Variants in NEGR1 observed in about 807,000 individuals in gnomAD.
The protein encoded by NEGR1 is neuronal growth regulator 1, also known as IgLON family member 4.
In NEGR1, 10 loss-of-function variants were observed where a neutral mutation model predicts 40.9. The ratio of observed to expected loss-of-function variants is 0.24; its 90% confidence interval spans 0.15 to 0.42. NEGR1 has a LOEUF of 0.42. Among genes scored for constraint, NEGR1 ranks in the 10% least tolerant of loss-of-function variants. The pLI is 1.00. For missense variants in NEGR1, 352 were observed against 438.9 expected (o/e 0.80, Z 1.77); for synonymous variants, 185 against 166.8 (o/e 1.11, Z -0.84).
Position 72,085,968 on chromosome 1 carries a change from CAAAAA to C in NEGR1, c.177-150662_177-150658del, listed in dbSNP as rs36028456. On this transcript the variant is annotated intron_variant, in intron 1 of 6. Coordinates refer to ENST00000357731, the MANE Select transcript of NEGR1 (RefSeq NM_173808.3). ...CTGGCGACAGAGTGAGACTCTGTCT[CAAAAA>C]AAAAAAAAAAAAAAAAAGAGTGATT... Among the ~76,000 whole-genome samples the C allele has an allele frequency of 7.0e-3, 439 of 63,052 alleles. 2 individuals are homozygous for C. The highest frequency in any genetic ancestry group is 0.023 in the African/African-American group (410 of 17,768). The allele number at this position is 63,052 out of a possible 152,430, so 41.4% of individuals were successfully genotyped here.
chr1:71,729,433 T>C (rs1173399390), intron 3 of NEGR1, among the ~76,000 whole-genome samples: 1 of 152,188 alleles, frequency 6.6e-6, no homozygotes, highest in East Asian at 1.9e-4. Flanking sequence ...AATATTTATC[T>C]TCTGTCTTCT....
At chr1:71,917,517 G>A (rs753742214) in intron 2 of NEGR1, among the ~76,000 whole-genome samples, 2 of 152,074 alleles carry the variant, frequency 1.3e-5, no homozygotes, top group Non-Finnish European at 2.9e-5. Context: ...TCGGACGGGT[G>A]CGGTGGCTCA....
chr1:71,544,497 A>G (rs1209913813), intron 6 of NEGR1, among the ~76,000 whole-genome samples: 1 of 151,740 alleles, frequency 6.6e-6, no homozygotes, highest in Non-Finnish European at 1.5e-5. Flanking sequence ...AACCTAAAAA[A>G]CAGGGAAAAT....
At chr1:72,192,332 G>T (rs1652847868) in intron 1 of NEGR1, among the ~76,000 whole-genome samples, 1 of 151,672 alleles carries the variant, frequency 6.6e-6, no homozygotes, top group Admixed American at 6.6e-5. Flanking sequence ...AATCCCACTG[G>T]CTATGGCAAA....
chr1:72,055,513 G>A (rs1367432678), intron 1 of NEGR1, among the ~76,000 whole-genome samples: 1 of 151,082 alleles, frequency 6.6e-6, no homozygotes, highest in South Asian at 2.1e-4. Flanking sequence ...TCATTAACAA[G>A]ATAATGGGAA....
chr1:71,944,762 T>C (rs972643740), intron 1 of NEGR1, among the ~76,000 whole-genome samples: 3 of 152,178 alleles, frequency 2.0e-5, no homozygotes, highest in Admixed American at 2.0e-4. Flanking sequence ...ATTTTTCTTA[T>C]TGCAATTTTT....
At chr1:71,476,190 G>A (rs1470135276) in intron 6 of NEGR1, among the ~76,000 whole-genome samples, 1 of 151,984 alleles carries the variant, frequency 6.6e-6, no homozygotes, top group Non-Finnish European at 1.5e-5. Context: ...GAAAATATGA[G>A]TTATCTGATC....
At chr1:71,709,743 A>G (rs537732772) in intron 3 of NEGR1, among the ~76,000 whole-genome samples, 1 of 152,362 alleles carries the variant, frequency 6.6e-6, no homozygotes, top group African/African-American at 2.4e-5. Flanking sequence ...CTTAAATTTA[A>G]GCCCTCAAAC....
chr1:71,840,136 A>C (rs1659187103), intron 2 of NEGR1, among the ~76,000 whole-genome samples: 1 of 152,164 alleles, frequency 6.6e-6, no homozygotes, highest in African/African-American at 2.4e-5. Flanking sequence ...ACAGGACTAT[A>C]GAAGTGGGAT....
At chr1:71,881,722 T>C (rs114286171) in intron 2 of NEGR1, among the ~76,000 whole-genome samples, 409 of 152,198 alleles carry the variant, frequency 2.7e-3, no homozygotes, top group African/African-American at 8.8e-3. Context: ...CACATGACTT[T>C]CCCCTATTGT....
rs1038729803 is a variant in NEGR1, at chr1:71,494,532, C to T, written c.941-86962G>A. Reference sequence around the variant, plus strand: ...GAGTTTTTGTATTCCCCTGTAATAACCCATGACTATAATAGTTTTCAATGA... The same window carrying T: ...GAGTTTTTGTATTCCCCTGTAATAATCCATGACTATAATAGTTTTCAATGA... On this transcript the variant is annotated intron_variant, in intron 6 of 6. Transcript: ENST00000357731. Among the ~76,000 whole-genome samples the T allele has an allele frequency of 2.0e-5, 3 of 152,148 alleles. No individual in the cohort carries two copies. In the South Asian group the frequency reaches 6.2e-4, roughly 32 times the overall value.
chr1:71,692,234 A>G (rs1653310457), intron 4 of NEGR1, among the ~76,000 whole-genome samples: 1 of 151,924 alleles, frequency 6.6e-6, no homozygotes, highest in East Asian at 1.9e-4. Flanking sequence ...CTTTATTTAA[A>G]AGACAACTCT....
In NEGR1 at chr1:72,188,514, T is replaced by G. The variant is rs561168061; in HGVS notation, c.176+93805A>C. ...TTAAAAATGTGTTTTCTTCACAATG[T>G]TTGATTTAAAATCAACACTGACTTC... is the stretch of plus-strand genomic sequence containing the variant. On this transcript the variant is annotated intron_variant, in intron 1 of 6. Coordinates refer to ENST00000357731, the MANE Select transcript of NEGR1 (RefSeq NM_173808.3). 5.3e-5 allele frequency among the ~76,000 whole-genome samples: 8 copies of G among 151,656 alleles called. No homozygotes were observed. In the South Asian group the frequency reaches 1.7e-3, roughly 31 times the overall value.
intron 4 of NEGR1, among the ~76,000 whole-genome samples, chr1:71,685,892 T>G (rs1653019160): frequency 6.6e-6 from 1 of 152,202 alleles, no homozygotes; most frequent in Admixed American, 6.6e-5. Flanking sequence ...ATGCCAATTT[T>G]TTGGCATCGC....
intron 1 of NEGR1, among the ~76,000 whole-genome samples, chr1:72,188,336 C>T (rs1485161721): frequency 1.3e-5 from 2 of 151,368 alleles, no homozygotes; most frequent in African/African-American, 4.8e-5. Flanking sequence ...ATGTGCCTAC[C>T]AATGACACTT....
intron 4 of NEGR1, among the ~76,000 whole-genome samples, chr1:71,620,681 A>T (rs1429898271): frequency 6.6e-6 from 1 of 152,002 alleles, no homozygotes; most frequent in Non-Finnish European, 1.5e-5. Context: ...ATATAGTTGA[A>T]TCACAATCTT....
intron 6 of NEGR1, among the ~76,000 whole-genome samples, chr1:71,472,362 G>A (rs1646788295): frequency 1.3e-5 from 2 of 151,984 alleles, no homozygotes; most frequent in Non-Finnish European, 2.9e-5. Context: ...TTTATTGATA[G>A]GCCTGCCTAA....
chr1:71,899,212 G>A (rs78256097), intron 2 of NEGR1, among the ~76,000 whole-genome samples: 3,036 of 151,362 alleles, frequency 0.02, 63 homozygotes, highest in South Asian at 0.1. Context: ...TGGTTTCTGA[G>A]CTCCCTACAC....
chr1:71,932,255 C>A (rs1330241309), intron 2 of NEGR1, among the ~76,000 whole-genome samples: 1 of 151,812 alleles, frequency 6.6e-6, no homozygotes, highest in Non-Finnish European at 1.5e-5. Context: ...TAAATCAAAG[C>A]AAATAATTGA....
Sources: gnomAD v4.1 joint callset for allele counts (sites outside exome capture counted in the v4.1 genomes callset) on GRCh38, gnomAD v4.1.1 for gene constraint, MANE v1.5 for transcripts, NCBI Gene and HGNC (gene_info 2026-07-23, HGNC 2026-07-21) for gene names.